TLCD3A: variants seen among roughly 807,000 people sequenced by gnomAD.
TLCD3A encodes TLC domain containing 3A, also known as TLC domain-containing protein 3A.
Under a neutral mutation model 29.9 loss-of-function variants are expected in TLCD3A, and 17 were observed. The ratio of observed to expected loss-of-function variants is 0.57; its 90% CI spans 0.39 to 0.85. The LOEUF is 0.85. Among genes scored for constraint, TLCD3A ranks in the 40% least tolerant of loss-of-function variants. The pLI is 0.00. For missense variants in TLCD3A, 332 were observed against 350.8 expected, an observed-to-expected ratio of 0.95 and a Z score of 0.43; for synonymous variants, 143 against 147.7, an observed-to-expected ratio of 0.97 and a Z score of 0.23.
At chr17:735,051 C>A (rs1181109978) in intron 2 of TLCD3A, among the ~76,000 whole-genome samples, 1 of 151,976 alleles carries the variant, frequency 6.6e-6, no homozygotes, top group South Asian at 2.1e-4. Context: ...GAGATGGAGT[C>A]TCACTCTGTC....
Position 733,085 on chromosome 17 carries a change from C to CTT in TLCD3A, c.123-13_123-12insTT. On this transcript the variant is annotated splice_polypyrimidine_tract_variant and intron_variant, in intron 1 of 4. Coordinates refer to ENST00000308278, the MANE Select transcript of TLCD3A (RefSeq NM_024792.3). Reference sequence around the variant, plus strand: ...GGACTGAGCGCGCGCGCTGTTCTCTCCGCCCGCGCTAGGCTGGTTTCCTCG... The same window carrying CTT: ...GGACTGAGCGCGCGCGCTGTTCTCTCTTCGCCCGCGCTAGGCTGGTTTCCTCG... 6.8e-7 allele frequency: 1 copy of CTT among 1,464,716 alleles called. No individual in the cohort carries two copies. The highest frequency in any genetic ancestry group is 1.3e-5 in the South Asian group (1 of 77,752). 90.7% of individuals were successfully genotyped at this position (1,464,716 alleles called of 1,614,324 possible).
intron 2 of TLCD3A, among the ~76,000 whole-genome samples, chr17:735,730 C>T (rs991623714): frequency 1.3e-5 from 2 of 151,576 alleles, no homozygotes; most frequent in Non-Finnish European, 2.9e-5. Flanking sequence ...TTTGGGAGGC[C>T]GAGGTGGGCG....
chr17:741,521 G>T lies in TLCD3A; in HGVS notation c.725G>T (p.Arg242Met), dbSNP rs1421783353. 1.9e-6 allele frequency: 3 copies of T among 1,614,102 alleles called. No individual in the cohort carries two copies. The highest frequency in any genetic ancestry group is 2.5e-6 in the Non-Finnish European group (3 of 1,180,042). ...PQIYWFCLLC[R>M]KAVRLFDTPQ... The stretch of plus-strand genomic sequence containing the variant: ...ATCTACTGGTTCTGTCTGCTGTGCA[G>T]GAAGGCAGTCCGGCTCTTTGACACT... Residue 242 changes from arginine (R) to methionine (M), a missense_variant, in exon 5 of 5, where the codon AGG becomes ATG. Transcript: ENST00000308278.
Position 741,494 on chromosome 17 carries a change from A to T in TLCD3A, c.698A>T (p.Gln233Leu). Reference sequence around the variant, plus strand: ...GCCAATGCCTTCCTCGTAGCTCCTCAGATCTACTGGTTCTGTCTGCTGTGC... The same window carrying T: ...GCCAATGCCTTCCTCGTAGCTCCTCTGATCTACTGGTTCTGTCTGCTGTGC... ...NVANAFLVAP[Q>L]IYWFCLLCRK... Residue 233 changes from glutamine (Q) to leucine (L), a missense_variant, in exon 5 of 5, where the codon CAG becomes CTG. Coordinates refer to ENST00000308278, the MANE Select transcript of TLCD3A (RefSeq NM_024792.3). 1 of 1,614,166 alleles carries T rather than the reference A, an allele frequency of 6.2e-7. No individual in the cohort carries two copies. Among genetic ancestry groups the T allele is most frequent in the South Asian group, 1.1e-5 (1 of 91,090 alleles).
Position 741,577 on chromosome 17 carries a change from C to A in TLCD3A, c.*7C>A, listed in dbSNP as rs746555238. On this transcript the variant is annotated 3_prime_UTR_variant, in exon 5 of 5. Coordinates refer to ENST00000308278, the MANE Select transcript of TLCD3A (RefSeq NM_024792.3). ...AGCCAAAAAGGATGGCTAAATGCTC[C>A]TGGGAGTCAGGCGCAGCCTCACACC... 2 of 1,610,772 alleles carry A rather than the reference C, an allele frequency of 1.2e-6. No homozygotes were observed. The highest frequency in any genetic ancestry group is 2.7e-5 in the African/African-American group (2 of 75,056).
intron 2 of TLCD3A, among the ~76,000 whole-genome samples, chr17:735,986 C>CAAAAAAA (rs55943725): frequency 1.5e-4 from 16 of 107,240 alleles, no homozygotes; most frequent in African/African-American, 3.3e-4. Context: ...AAACCAAAAC[C>CAAAAAAA]AAAAAAAAAA....
intron 2 of TLCD3A, among the ~76,000 whole-genome samples, chr17:735,538 A>G (rs1225219801): frequency 6.6e-6 from 1 of 152,194 alleles, no homozygotes; most frequent in East Asian, 1.9e-4. Context: ...GGTTCCCTTC[A>G]AGGGGAGAGG....
chr17:734,314 C>T (rs1194000724), intron 2 of TLCD3A, among the ~76,000 whole-genome samples: 1 of 149,108 alleles, frequency 6.7e-6, no homozygotes, highest in East Asian at 2.0e-4. Flanking sequence ...CCACCACACC[C>T]AGCAAATTTT....
At chr17:738,607 C>CT (rs1230615617) in intron 3 of TLCD3A, among the ~76,000 whole-genome samples, 27 of 152,308 alleles carry the variant, frequency 1.8e-4, no homozygotes, top group African/African-American at 6.5e-4. Flanking sequence ...GGGTTTCACT[C>CT]TGTCACCCCG....
intron 2 of TLCD3A, 96 bp downstream of exon 2, chr17:733,277 T>G (rs1974105172): frequency 8.5e-7 from 1 of 1,181,700 alleles, no homozygotes; most frequent in Admixed American, 3.0e-5. Context: ...AGCTGACTAA[T>G]GGGAAAAGCT....
At chr17:737,591 C>T (rs1974175844) in intron 2 of TLCD3A, among the ~76,000 whole-genome samples, 2 of 152,124 alleles carry the variant, frequency 1.3e-5, no homozygotes, top group African/African-American at 4.8e-5. Context: ...AAATTAGTAG[C>T]TAAGTCAGGC....
chr17:732,948 CG>C (rs1597540058), intron 1 of TLCD3A, 149 bp from the exon 2 acceptor site: 2 of 1,369,550 alleles, frequency 1.5e-6, no homozygotes, highest in Non-Finnish European at 1.9e-6. Context: ...GGAGCGGGGC[CG>C]GGGCGGGCGG....
intron 2 of TLCD3A, among the ~76,000 whole-genome samples, chr17:733,717 T>G (rs946594581): frequency 6.6e-6 from 1 of 152,258 alleles, no homozygotes; most frequent in African/African-American, 2.4e-5. Context: ...TGCACCTATC[T>G]GCAGTTCCAG....
At position 741,658 on chromosome 17, in the gene TLCD3A, G is replaced by C; in HGVS notation, c.*88G>C. On this transcript the variant is annotated 3_prime_UTR_variant, in exon 5 of 5. Coordinates refer to ENST00000308278, the MANE Select transcript of TLCD3A (RefSeq NM_024792.3). ...CCAAATTGTGCCCTGGGTAGCCTCA[G>C]ACTTTGGGTATTGATAAGCCGATGG... 1.4e-6 allele frequency: 2 copies of C among 1,477,868 alleles called. No homozygotes were observed. Among genetic ancestry groups the C allele is most frequent in the Non-Finnish European group, 1.8e-6 (2 of 1,092,902 alleles). 91.5% of individuals were successfully genotyped at this position (1,477,868 alleles called of 1,614,324 possible).
At chr17:735,797 C>T (rs759734018) in intron 2 of TLCD3A, among the ~76,000 whole-genome samples, 6 of 150,916 alleles carry the variant, frequency 4.0e-5, no homozygotes, top group Admixed American at 6.6e-5. Flanking sequence ...AAACCCCCAT[C>T]GCTACTTAAA....
intron 2 of TLCD3A, among the ~76,000 whole-genome samples, chr17:737,032 GA>G (rs1478149183): frequency 2.7e-5 from 4 of 149,594 alleles, no homozygotes; most frequent in African/African-American, 9.9e-5. Context: ...GTTTTTTTTA[GA>G]TGGAATCTCA....
chr17:741,239 C>G (rs1244579762), intron 4 of TLCD3A, 62 bp from the exon 5 acceptor site: 11 of 1,573,502 alleles, frequency 7.0e-6, no homozygotes, highest in Non-Finnish European at 9.5e-6. Flanking sequence ...GACTTGGGCC[C>G]GTCGCTCCCT....
In TLCD3A at chr17:736,438, A is replaced by G. The variant is rs1184635772; in HGVS notation, c.207-1408A>G. ...CACAGAAAACATCTGTGGAATGCTT[A>G]TCACTGGGAACCACATTGTATGAAT... is the stretch of plus-strand genomic sequence containing the variant. On this transcript the variant is annotated intron_variant, in intron 2 of 4. Transcript: ENST00000308278. Among the ~76,000 whole-genome samples, 3 of 152,248 alleles carry G rather than the reference A, an allele frequency of 2.0e-5. No individual in the cohort carries two copies. The East Asian group carries it at 5.8e-4, about 29-fold the overall frequency.
intron 2 of TLCD3A, among the ~76,000 whole-genome samples, chr17:733,871 G>GA (rs755707551): frequency 2.0e-5 from 3 of 152,100 alleles, no homozygotes; most frequent in Non-Finnish European, 2.9e-5. Flanking sequence ...CAAGTTGAAG[G>GA]ACCACAGTCG....
Sources: allele counts gnomAD v4.1 joint callset (sites outside exome capture counted in the v4.1 genomes callset), GRCh38; gene constraint gnomAD v4.1.1; transcripts MANE v1.5; gene names NCBI Gene and HGNC (gene_info 2026-07-23, HGNC 2026-07-21).